Variants in NTRK2 observed in about 807,000 individuals in gnomAD.
NTRK2 encodes the protein neurotrophic receptor tyrosine kinase 2.
NTRK2 carries 13 observed loss-of-function variants against 94.5 expected under a neutral mutation model. The observed-to-expected ratio is 0.14, with a 90% confidence interval of 0.09 to 0.22. NTRK2 has a LOEUF of 0.22. Among genes scored for constraint, NTRK2 ranks in the 10% least tolerant of loss-of-function variants. The pLI, the probability that NTRK2 is intolerant of heterozygous loss-of-function variation, is 1.00. For synonymous variants in NTRK2, 372 were observed against 407.4 expected (o/e 0.91, Z 1.05); for missense variants, 639 against 1,071.2 (o/e 0.60, Z 5.63).
intron 17 of NTRK2, among the ~76,000 whole-genome samples, chr9:84,994,134 G>A (rs1829441539): frequency 6.6e-6 from 1 of 151,966 alleles, no homozygotes; most frequent in Non-Finnish European, 1.5e-5. Flanking sequence ...AACTATGTAG[G>A]TTCAGATTAG....
chr9:84,813,161 G>T, intron 12 of NTRK2: 5 of 1,045,626 alleles, frequency 4.8e-6, no homozygotes, highest in Non-Finnish European at 5.8e-6. Context: ...TCCAATAAAG[G>T]TTCTGGCACT....
intron 2 of NTRK2, among the ~76,000 whole-genome samples, chr9:84,676,188 A>C (rs193301778): frequency 1.4e-3 from 212 of 152,314 alleles, no homozygotes; most frequent in African/African-American, 4.9e-3. Flanking sequence ...TGTCACATGT[A>C]AACTGAGGGC....
intron 9 of NTRK2, among the ~76,000 whole-genome samples, chr9:84,734,888 T>C (rs1420309465): frequency 3.3e-5 from 5 of 152,158 alleles, no homozygotes; most frequent in African/African-American, 1.2e-4. Flanking sequence ...AGTCAAAAAT[T>C]TGACCCACCT....
intron 14 of NTRK2, among the ~76,000 whole-genome samples, chr9:84,897,320 A>G (rs1227151259): frequency 6.6e-6 from 1 of 152,162 alleles, no homozygotes; most frequent in African/African-American, 2.4e-5. Context: ...TATTTTTAGT[A>G]GAGACAGAGG....
chr9:84,691,639 T>C (rs1412838618), intron 2 of NTRK2, among the ~76,000 whole-genome samples: 1 of 152,136 alleles, frequency 6.6e-6, no homozygotes, highest in Admixed American at 6.5e-5. Flanking sequence ...CTACCCTATC[T>C]GAGTATGAAG....
intron 14 of NTRK2, chr9:84,871,786 C>A: frequency 6.2e-7 from 1 of 1,613,336 alleles, no homozygotes; most frequent in Non-Finnish European, 8.5e-7. Context: ...TACTTTATTG[C>A]AGGGCCCAGA....
chr9:84,778,651 T>C (rs2067276447), intron 12 of NTRK2, among the ~76,000 whole-genome samples: 1 of 152,196 alleles, frequency 6.6e-6, no homozygotes, highest in South Asian at 2.1e-4. Context: ...TCTGGAGGGC[T>C]CTATTGCTGT....
Position 84,804,351 on chromosome 9 carries a change from C to T in NTRK2, c.1396+52266C>T, listed in dbSNP as rs115409825. ...TCATCTCCCCCACAATCATTATCGT[C>T]ATCCTCACACAGGCACTGGCTGACC... is the stretch of plus-strand genomic sequence containing the variant. On this transcript the variant is annotated intron_variant, in intron 12 of 18. Transcript: ENST00000277120. Among the ~76,000 whole-genome samples the T allele has an allele frequency of 7.8e-3, 1,187 of 152,284 alleles. 20 individuals carry two copies. The highest frequency in any genetic ancestry group is 0.027 in the African/African-American group (1,117 of 41,542).
intron 12 of NTRK2, among the ~76,000 whole-genome samples, chr9:84,760,619 T>C (rs1282738036): frequency 1.3e-5 from 2 of 152,254 alleles, no homozygotes; most frequent in Non-Finnish European, 2.9e-5. Flanking sequence ...CTTAATTTTA[T>C]TGTCCTCTGA....
chr9:84,853,491 A>G (rs985816174), intron 12 of NTRK2, among the ~76,000 whole-genome samples: 2 of 152,234 alleles, frequency 1.3e-5, no homozygotes, highest in Admixed American at 6.5e-5. Context: ...GAGAGTAGCA[A>G]ATATATTTGC....
intron 14 of NTRK2, among the ~76,000 whole-genome samples, chr9:84,899,381 TG>T (rs2132379171): frequency 6.6e-6 from 1 of 152,348 alleles, no homozygotes; most frequent in Non-Finnish European, 1.5e-5. Context: ...CCCAGAGGAA[TG>T]GGTTTTATAT....
At chr9:84,726,491 A>T (rs1349156742) in intron 8 of NTRK2, among the ~76,000 whole-genome samples, 2 of 151,026 alleles carry the variant, frequency 1.3e-5, no homozygotes, top group Admixed American at 1.3e-4. Context: ...TGTCTAAAAA[A>T]ACAAAAAACA....
intron 17 of NTRK2, among the ~76,000 whole-genome samples, chr9:84,982,355 T>C (rs2133237944): frequency 6.6e-6 from 1 of 152,314 alleles, no homozygotes; most frequent in East Asian, 1.9e-4. Context: ...GTGGTCCTAA[T>C]GAAGAAACAG....
intron 12 of NTRK2, among the ~76,000 whole-genome samples, chr9:84,796,731 A>G (rs1243159666): frequency 6.6e-6 from 1 of 152,216 alleles, no homozygotes; most frequent in Non-Finnish European, 1.5e-5. Flanking sequence ...TCATGAACAA[A>G]GGAATTTCTA....
intron 14 of NTRK2, among the ~76,000 whole-genome samples, chr9:84,888,299 AG>A: frequency 6.6e-6 from 1 of 152,100 alleles, no homozygotes; most frequent in South Asian, 2.1e-4. Context: ...CTTATAGATG[AG>A]GAAAGGGATG....
chr9:84,680,858 T>C (rs2059348391), intron 2 of NTRK2, among the ~76,000 whole-genome samples: 1 of 152,238 alleles, frequency 6.6e-6, no homozygotes, highest in South Asian at 2.1e-4. Context: ...CTTACTTGAC[T>C]TCTTAGCAGA....
intron 17 of NTRK2, among the ~76,000 whole-genome samples, chr9:84,974,583 C>G (rs1213934152): frequency 6.6e-6 from 1 of 152,220 alleles, no homozygotes; most frequent in Non-Finnish European, 1.5e-5. Context: ...CTCCACATCT[C>G]ACTTATAAGA....
At chr9:84,986,215 C>G (rs1828279460) in intron 17 of NTRK2, among the ~76,000 whole-genome samples, 1 of 152,184 alleles carries the variant, frequency 6.6e-6, no homozygotes, top group Non-Finnish European at 1.5e-5. Context: ...ACCCCTGCTC[C>G]ATATTCAGAC....
intron 17 of NTRK2, among the ~76,000 whole-genome samples, chr9:84,957,730 C>G (rs1389198692): frequency 6.6e-6 from 1 of 152,166 alleles, no homozygotes; most frequent in African/African-American, 2.4e-5. Flanking sequence ...TTCAGTAATT[C>G]TACTGCTAGG....
Sources: allele counts gnomAD v4.1 joint callset (sites outside exome capture counted in the v4.1 genomes callset), GRCh38; gene constraint gnomAD v4.1.1; transcripts MANE v1.5; gene names NCBI Gene and HGNC (gene_info 2026-07-23, HGNC 2026-07-21).